Variants in ATP8A2 observed in about 807,000 individuals in gnomAD.
ATP8A2 encodes ATPase phospholipid transporting 8A2.
Under a neutral mutation model 165.6 loss-of-function variants are expected in ATP8A2, and 100 were observed. The observed-to-expected ratio is 0.60, with a 90% confidence interval of 0.51 to 0.71. ATP8A2 has a LOEUF of 0.71. Among genes scored for constraint, ATP8A2 ranks in the 30% least tolerant of loss-of-function variants. The pLI, the probability that ATP8A2 is intolerant of heterozygous loss-of-function variation, is 0.00. For missense variants in ATP8A2, 1,227 were observed against 1,479.5 expected (o/e 0.83, Z 2.80); for synonymous variants, 543 against 548.8 (o/e 0.99, Z 0.15).
At chr13:25,815,919 T>C (rs1021481689) in intron 27 of ATP8A2, among the ~76,000 whole-genome samples, 1 of 152,188 alleles carries the variant, frequency 6.6e-6, no homozygotes, top group Non-Finnish European at 1.5e-5. Flanking sequence ...TTAAGAAATA[T>C]AAGCTACACA....
At chr13:25,665,272 T>A (rs1186376678) in intron 24 of ATP8A2, among the ~76,000 whole-genome samples, 1 of 152,150 alleles carries the variant, frequency 6.6e-6, no homozygotes. Context: ...AACAGATTAT[T>A]CAACTTTTTT....
chr13:25,939,969 C>T (rs1296201549), intron 33 of ATP8A2, among the ~76,000 whole-genome samples: 1 of 152,134 alleles, frequency 6.6e-6, no homozygotes, highest in Non-Finnish European at 1.5e-5. Context: ...TCTGCCCTGT[C>T]GTCCCCACCA....
chr13:25,444,820 A>G (rs551224195), intron 1 of ATP8A2, among the ~76,000 whole-genome samples: 1 of 152,002 alleles, frequency 6.6e-6, no homozygotes, highest in East Asian at 1.9e-4. Flanking sequence ...TAATTTTTGT[A>G]TTTTTAGTTA....
chr13:25,546,927 C>T (rs1181050829), intron 10 of ATP8A2, among the ~76,000 whole-genome samples: 1 of 151,882 alleles, frequency 6.6e-6, no homozygotes, highest in Admixed American at 6.6e-5. Context: ...GTCAGGAGTT[C>T]GAGACCAGCC....
chr13:25,580,156 A>G (rs1372599009), intron 22 of ATP8A2, among the ~76,000 whole-genome samples: 2 of 152,330 alleles, frequency 1.3e-5, no homozygotes, highest in South Asian at 2.1e-4. Context: ...TCAGCTAAAC[A>G]TTAATGATAG....
intron 35 of ATP8A2, among the ~76,000 whole-genome samples, chr13:25,979,740 G>T (rs1040688192): frequency 6.6e-6 from 1 of 152,188 alleles, no homozygotes; most frequent in African/African-American, 2.4e-5. Context: ...TTTAGAGCTC[G>T]CCTGGTAGTG....
chr13:25,448,880 G>A (rs532680994), intron 1 of ATP8A2, among the ~76,000 whole-genome samples: 1 of 152,162 alleles, frequency 6.6e-6, no homozygotes, highest in African/African-American at 2.4e-5. Context: ...AGTCAGGCTG[G>A]TCTCAAATTC....
chr13:25,557,483 C>T (rs1161403214), intron 13 of ATP8A2, among the ~76,000 whole-genome samples: 3 of 152,136 alleles, frequency 2.0e-5, no homozygotes, highest in Non-Finnish European at 4.4e-5. Context: ...AATTTGCCTT[C>T]TCTTTGAACT....
intron 24 of ATP8A2, among the ~76,000 whole-genome samples, chr13:25,624,247 T>C (rs2041047984): frequency 1.3e-5 from 2 of 152,302 alleles, no homozygotes; most frequent in South Asian, 4.1e-4. Flanking sequence ...AAGCTACTGA[T>C]ATATGGCATT....
chr13:25,470,227 T>C (rs1227894253), intron 2 of ATP8A2, among the ~76,000 whole-genome samples: 1 of 152,218 alleles, frequency 6.6e-6, no homozygotes, highest in Non-Finnish European at 1.5e-5. Flanking sequence ...TTTTCACTTA[T>C]TAAAGGAGTG....
At chr13:25,898,579 A>G (rs1953639026) in intron 33 of ATP8A2, among the ~76,000 whole-genome samples, 1 of 152,212 alleles carries the variant, frequency 6.6e-6, no homozygotes, top group Non-Finnish European at 1.5e-5. Context: ...TTAAGTCTGC[A>G]GAGGTTATTG....
chr13:25,404,970 G>A lies in ATP8A2; in HGVS notation c.76+32682G>A, dbSNP rs148863681. 3.5e-3 allele frequency among the ~76,000 whole-genome samples: 529 copies of A among 152,290 alleles called. 3 individuals are homozygous for A. Among genetic ancestry groups the A allele is most frequent in the African/African-American group, 0.012 (506 of 41,552 alleles). On this transcript the variant is annotated intron_variant, in intron 1 of 36. Coordinates refer to ENST00000381655, the MANE Select transcript of ATP8A2 (RefSeq NM_016529.6). ...GAGAGAGGAAGAGAAAGCTAGAAAT[G>A]CCACTGAGAAGTGGCCAGAGCGCTG... is the stretch of plus-strand genomic sequence containing the variant.
intron 33 of ATP8A2, among the ~76,000 whole-genome samples, chr13:25,927,793 G>C (rs1005137851): frequency 6.6e-6 from 1 of 152,232 alleles, no homozygotes; most frequent in African/African-American, 2.4e-5. Flanking sequence ...TCAGGCTGCT[G>C]TCCTGCCTAG....
chr13:25,987,025 A>T (rs768636229), intron 35 of ATP8A2, among the ~76,000 whole-genome samples: 3 of 152,256 alleles, frequency 2.0e-5, no homozygotes, highest in Non-Finnish European at 4.4e-5. Context: ...ATCTAGAGAT[A>T]GGCCAAGTAA....
intron 33 of ATP8A2, among the ~76,000 whole-genome samples, chr13:25,882,921 T>TGAC (rs1953025164): frequency 1.3e-5 from 2 of 151,472 alleles, no homozygotes; most frequent in Middle Eastern, 6.8e-3. Context: ...ATGATGATGA[T>TGAC]GATGATGATG....
chr13:25,508,941 T>C (rs1210368847), intron 2 of ATP8A2, among the ~76,000 whole-genome samples: 1 of 152,196 alleles, frequency 6.6e-6, no homozygotes, highest in Non-Finnish European at 1.5e-5. Flanking sequence ...TTAGGAGACA[T>C]GTTTTGGGGA....
chr13:25,980,447 G>T (rs918665356), intron 35 of ATP8A2, among the ~76,000 whole-genome samples: 23 of 152,270 alleles, frequency 1.5e-4, no homozygotes, highest in African/African-American at 5.5e-4. Flanking sequence ...TGATAAGAAG[G>T]CCTGTAGGGG....
chr13:25,893,865 G>A lies in ATP8A2; in HGVS notation c.3183+31457G>A, dbSNP rs1042843495. Among the ~76,000 whole-genome samples, 853 of 152,204 alleles carry A rather than the reference G, an allele frequency of 5.6e-3. 10 individuals carry two copies. The highest frequency in any genetic ancestry group is 0.02 in the African/African-American group (826 of 41,516). On this transcript the variant is annotated intron_variant, in intron 33 of 36. Transcript: ENST00000381655. ...AAATGTCTTCTTTTGAGAAGTGTCTGTTCATATCCTTTGCCCACTTTTTGA... is the reference window on the plus strand; with the variant it reads ...AAATGTCTTCTTTTGAGAAGTGTCTATTCATATCCTTTGCCCACTTTTTGA...
chr13:25,952,400 C>A lies in ATP8A2; in HGVS notation c.3184-9175C>A, dbSNP rs117376659. ...CTTTTTCTTCTTTTTTTTTTTGCTC[C>A]CAGATAGGGTCACTCTGTCACCTAA... On this transcript the variant is annotated intron_variant, in intron 33 of 36. Transcript: ENST00000381655. 9.6e-4 allele frequency among the ~76,000 whole-genome samples: 145 copies of A among 150,824 alleles called. 2 individuals are homozygous for A. In the East Asian group the frequency reaches 0.026, roughly 27 times the overall value.
Sources: allele counts gnomAD v4.1 joint callset (sites outside exome capture counted in the v4.1 genomes callset), GRCh38; gene constraint gnomAD v4.1.1; transcripts MANE v1.5; gene names NCBI Gene and HGNC (gene_info 2026-07-23, HGNC 2026-07-21).